The following MATN2 variants were observed in gnomAD, a reference collection of about 807,000 sequenced individuals.
MATN2 encodes the protein matrilin 2.
In MATN2, 69 loss-of-function variants were observed where a neutral mutation model predicts 103.2. The ratio of observed to expected loss-of-function variants is 0.67; its 90% CI spans 0.55 to 0.82. The LOEUF is 0.82. Ranked by LOEUF, MATN2 falls within the 40% of genes least tolerant of loss-of-function variation. The pLI, the probability that MATN2 is intolerant of heterozygous loss-of-function variation, is 0.00. For synonymous variants in MATN2, 429 were observed against 450.2 expected, an observed-to-expected ratio of 0.95 and a Z score of 0.60; for missense variants, 1,023 against 1,211.5, an observed-to-expected ratio of 0.84 and a Z score of 2.31.
At chr8:98,034,988 G>A (rs1814185259) in intron 18 of MATN2, among the ~76,000 whole-genome samples, 3 of 151,834 alleles carry the variant, frequency 2.0e-5, no homozygotes, top group Admixed American at 6.6e-5. Flanking sequence ...TTGGGAGGCC[G>A]AGGTGGCCTT....
chr8:98,027,136 G>A (rs1813836105), intron 13 of MATN2, among the ~76,000 whole-genome samples: 1 of 152,076 alleles, frequency 6.6e-6, no homozygotes, highest in South Asian at 2.1e-4. Flanking sequence ...CAGTGTTCCA[G>A]GGTACAATGT....
chr8:97,906,741 T>C (rs911987570), intron 2 of MATN2, among the ~76,000 whole-genome samples: 7 of 152,220 alleles, frequency 4.6e-5, no homozygotes, highest in Non-Finnish European at 7.4e-5. Flanking sequence ...TGGGGGACAC[T>C]TACGGGGACA....
chr8:97,989,739 T>A (rs923497799), intron 6 of MATN2, among the ~76,000 whole-genome samples: 1 of 152,136 alleles, frequency 6.6e-6, no homozygotes, highest in African/African-American at 2.4e-5. Flanking sequence ...TGATCACCTG[T>A]GTAGAAAATC....
intron 4 of MATN2, among the ~76,000 whole-genome samples, chr8:97,955,976 A>G (rs968307686): frequency 6.6e-6 from 1 of 152,178 alleles, no homozygotes; most frequent in African/African-American, 2.4e-5. Context: ...AGGACAAGTG[A>G]GCCCCAAAGT....
intron 10 of MATN2, among the ~76,000 whole-genome samples, chr8:98,008,441 C>T (rs1782596111): frequency 6.6e-6 from 1 of 152,196 alleles, no homozygotes. Flanking sequence ...GCCAAGTTCC[C>T]TGACCACTGG....
chr8:97,941,700 G>A (rs1311159751), intron 3 of MATN2, 77 bp from the exon 4 acceptor site: 72 of 1,504,630 alleles, frequency 4.8e-5, no homozygotes, highest in Non-Finnish European at 6.0e-5. Context: ...AGTAGGCACT[G>A]AATAAATGCT....
At chr8:97,875,904 C>A (rs1818052861) in intron 1 of MATN2, among the ~76,000 whole-genome samples, 1 of 151,874 alleles carries the variant, frequency 6.6e-6, no homozygotes, top group African/African-American at 2.4e-5. Context: ...ACCGTGTTAG[C>A]CAGGATGGTC....
At chr8:97,936,027 GC>G (rs1810359768) in intron 3 of MATN2, among the ~76,000 whole-genome samples, 2 of 152,254 alleles carry the variant, frequency 1.3e-5, no homozygotes, top group East Asian at 1.9e-4. Flanking sequence ...ATACTTGCAG[GC>G]AGGGACTTCC....
chr8:98,004,457 G>A (rs1812896772), intron 8 of MATN2, among the ~76,000 whole-genome samples: 1 of 152,046 alleles, frequency 6.6e-6, no homozygotes, highest in South Asian at 2.1e-4. Flanking sequence ...TGTGAACTTG[G>A]GCAAGTTATT....
At chr8:97,902,209 T>C (rs1344083092) in intron 2 of MATN2, among the ~76,000 whole-genome samples, 4 of 149,696 alleles carry the variant, frequency 2.7e-5, no homozygotes, top group African/African-American at 9.8e-5. Flanking sequence ...AAGTACACAG[T>C]GTTAGGCCGG....
intron 7 of MATN2, among the ~76,000 whole-genome samples, chr8:97,995,394 T>A (rs188049118): frequency 2.0e-5 from 3 of 152,342 alleles, no homozygotes; most frequent in East Asian, 3.9e-4. Flanking sequence ...ATTTTTTTTT[T>A]AATTCTTCAA....
intron 4 of MATN2, among the ~76,000 whole-genome samples, chr8:97,944,251 G>A (rs1304258630): frequency 1.3e-5 from 2 of 152,270 alleles, no homozygotes; most frequent in Admixed American, 6.5e-5. Flanking sequence ...ATGAACCGAC[G>A]AATGACTGCC....
At chr8:98,024,237 G>T (rs1228391193) in intron 13 of MATN2, among the ~76,000 whole-genome samples, 4 of 152,182 alleles carry the variant, frequency 2.6e-5, no homozygotes, top group African/African-American at 9.7e-5. Flanking sequence ...AGGTGTGGTG[G>T]CTCATGCCTT....
chr8:97,992,404 A>G (rs1435737939), intron 6 of MATN2, among the ~76,000 whole-genome samples: 2 of 152,196 alleles, frequency 1.3e-5, no homozygotes, highest in African/African-American at 4.8e-5. Flanking sequence ...TTGTTTATAA[A>G]GACTCCCAGT....
At chr8:97,902,182 T>TG (rs1563655800) in intron 2 of MATN2, among the ~76,000 whole-genome samples, 1 of 151,480 alleles carries the variant, frequency 6.6e-6, no homozygotes, top group East Asian at 1.9e-4. Context: ...GTATTTGTTT[T>TG]TTTTTTTTTT....
chr8:97,996,164 G>C (rs1214918762), intron 7 of MATN2, among the ~76,000 whole-genome samples: 1 of 152,152 alleles, frequency 6.6e-6, no homozygotes, highest in Admixed American at 6.6e-5. Context: ...CTAATGGAGG[G>C]GAAAAAGGAA....
In MATN2 at chr8:98,005,976, C is replaced by T. The variant is rs1442701167; in HGVS notation, c.1328-1129C>T. Among the ~76,000 whole-genome samples, 1 of 152,200 alleles carries T rather than the reference C, an allele frequency of 6.6e-6. No individual in the cohort carries two copies. Among genetic ancestry groups the T allele is most frequent in the Non-Finnish European group, 1.5e-5 (1 of 68,036 alleles). On this transcript the variant is annotated intron_variant, in intron 8 of 18. Coordinates refer to ENST00000254898, the MANE Select transcript of MATN2 (RefSeq NM_002380.5). The surrounding 1 kb of genome is among the most constrained non-coding windows in gnomAD (Gnocchi z 4.6). ...TGGAAGGCACTGGTCCCAGACTCTG[C>T]GGGAGTCAAGAGGCCCACTTGGCAG...
At chr8:98,008,246 AT>A (rs1248697669) in intron 10 of MATN2, among the ~76,000 whole-genome samples, 9 of 149,444 alleles carry the variant, frequency 6.0e-5, no homozygotes, top group African/African-American at 2.2e-4. Context: ...AAAAAAAAAA[AT>A]TGCTCCCAGA....
At position 97,931,100 on chromosome 8, in the gene MATN2, G is replaced by C; in HGVS notation, c.290G>C (p.Gly97Ala). 6.2e-7 allele frequency: 1 copy of C among 1,614,024 alleles called. No individual in the cohort carries two copies. The highest frequency in any genetic ancestry group is 8.5e-7 in the Non-Finnish European group (1 of 1,179,882). ...LDIGPDVTRV[G>A]LLQYGSTVKN... ...ATTGGTCCTGATGTCACCCGAGTGG[G>C]CCTGCTCCAATATGGCAGCACTGTC... The change falls in exon 3 of 19, where the codon GGC becomes GCC. Residue 97 changes from glycine to alanine, a missense_variant. Coordinates refer to ENST00000254898, the MANE Select transcript of MATN2 (RefSeq NM_002380.5). The surrounding 1 kb of genome is among the most constrained non-coding windows in gnomAD (Gnocchi z 4.1).
Sources: allele counts gnomAD v4.1 joint callset (sites outside exome capture counted in the v4.1 genomes callset), GRCh38; gene constraint gnomAD v4.1.1; non-coding constraint Gnocchi (gnomAD v3.1); transcripts MANE v1.5; gene names NCBI Gene and HGNC (gene_info 2026-07-23, HGNC 2026-07-21).